Variants in DISC1 observed in about 807,000 individuals in gnomAD.
The protein encoded by DISC1 is DISC1 scaffold protein.
In DISC1, 57 loss-of-function variants were observed where a neutral mutation model predicts 84.5. That is an observed-to-expected ratio of 0.67 (90% CI 0.55 to 0.84). DISC1 has a LOEUF of 0.84. Ranked by LOEUF, DISC1 falls within the 40% of genes least tolerant of loss-of-function variation. The pLI is 0.00. For missense variants in DISC1, 1,000 were observed against 1,057.8 expected, an observed-to-expected ratio of 0.95 and a Z score of 0.76; for synonymous variants, 411 against 415.2, an observed-to-expected ratio of 0.99 and a Z score of 0.12.
intron 8 of DISC1, 30 bp downstream of exon 8, chr1:231,800,240 T>C: frequency 6.5e-7 from 1 of 1,536,518 alleles, no homozygotes; most frequent in Non-Finnish European, 9.0e-7. Context: ...ACGTTGAAGC[T>C]ATCCAACTAA....
rs2058494984 is a variant in DISC1 at position 231,629,043 on chromosome 1, CTGCA to C, written c.67+2111_67+2114del. 2.6e-5 allele frequency among the ~76,000 whole-genome samples: 4 copies of C among 152,308 alleles called. No individual in the cohort carries two copies. The South Asian group carries it at 8.3e-4, about 32-fold the overall frequency. On this transcript the variant is annotated intron_variant, in intron 1 of 12. Transcript: ENST00000439617. Reference sequence around the variant, plus strand: ...TGAGCCACCAGGCCCAACCTCCATCCTGCATATCTATAGACCCAAAATGTAAGAG... The same window carrying C: ...TGAGCCACCAGGCCCAACCTCCATCCTATCTATAGACCCAAAATGTAAGAG...
At chr1:231,964,406 A>T (rs1382774251) in intron 10 of DISC1, among the ~76,000 whole-genome samples, 1 of 152,142 alleles carries the variant, frequency 6.6e-6, no homozygotes, top group East Asian at 1.9e-4. Flanking sequence ...ACAGTCTCAA[A>T]TGACCGTGAT....
At chr1:231,868,247 G>T (rs866197486) in intron 9 of DISC1, among the ~76,000 whole-genome samples, 2 of 152,204 alleles carry the variant, frequency 1.3e-5, no homozygotes, top group Admixed American at 6.5e-5. Flanking sequence ...TTCCTATCTT[G>T]TCTCCAGTTT....
At chr1:231,903,564 G>C (rs2126032711) in intron 9 of DISC1, among the ~76,000 whole-genome samples, 1 of 152,362 alleles carries the variant, frequency 6.6e-6, no homozygotes, top group East Asian at 1.9e-4. Context: ...ATTCTAGGCT[G>C]TGTGGTCAGA....
Position 231,969,582 on chromosome 1 carries a change from GTTTC to G in DISC1, c.2042+10710_2042+10713del, listed in dbSNP as rs1162734183. Among the ~76,000 whole-genome samples, 22 of 125,474 alleles carry G rather than the reference GTTTC, an allele frequency of 1.8e-4. 2 individuals carry two copies. The highest frequency in any genetic ancestry group is 4.4e-4 in the East Asian group (2 of 4,520). The allele number at this position is 125,474 out of a possible 152,430, so 82.3% of individuals were successfully genotyped here. A position where few individuals can be genotyped will look rare whatever the true frequency, so the allele number is the denominator to read the frequency against. The stretch of plus-strand genomic sequence containing the variant: ...GGGGTGAAGATACTCCAATATACTT[GTTTC>G]TTTCTTTCTTTCTTTTTTTTTTTTT... On this transcript the variant is annotated intron_variant, in intron 10 of 12. Transcript: ENST00000439617.
intron 1 of DISC1, among the ~76,000 whole-genome samples, chr1:231,669,189 T>C (rs1408767433): frequency 6.6e-6 from 1 of 152,154 alleles, no homozygotes; most frequent in Non-Finnish European, 1.5e-5. Flanking sequence ...TAGGGATGCC[T>C]GGGAATTGTT....
At chr1:231,673,803 A>C (rs1188035084) in intron 1 of DISC1, among the ~76,000 whole-genome samples, 1 of 152,186 alleles carries the variant, frequency 6.6e-6, no homozygotes, top group Non-Finnish European at 1.5e-5. Context: ...GAAAGGTTGG[A>C]GTGTCTCATA....
intron 7 of DISC1, 30 bp from the exon 8 acceptor site, chr1:231,800,075 AATG>A (rs2079102717): frequency 6.5e-7 from 1 of 1,548,310 alleles, no homozygotes; most frequent in Non-Finnish European, 8.9e-7. Flanking sequence ...TAGCTGAATA[AATG>A]ATGATTCCTG....
chr1:231,681,391 T>C (rs2063675444), intron 1 of DISC1, among the ~76,000 whole-genome samples: 1 of 151,000 alleles, frequency 6.6e-6, no homozygotes, highest in Non-Finnish European at 1.5e-5. Context: ...TGTTGGGCTC[T>C]CACTCGTGTG....
chr1:231,873,647 T>C (rs1228352380), intron 9 of DISC1, among the ~76,000 whole-genome samples: 1 of 152,112 alleles, frequency 6.6e-6, no homozygotes, highest in Non-Finnish European at 1.5e-5. Context: ...AGATGACAAA[T>C]TTCCAGCTAT....
chr1:231,880,047 G>C (rs1461546066), intron 9 of DISC1, among the ~76,000 whole-genome samples: 1 of 152,142 alleles, frequency 6.6e-6, no homozygotes, highest in African/African-American at 2.4e-5. Flanking sequence ...TGAGAGCTGG[G>C]GCCTATAAGA....
chr1:231,928,040 C>A (rs2090447942), intron 9 of DISC1, among the ~76,000 whole-genome samples: 1 of 152,216 alleles, frequency 6.6e-6, no homozygotes, highest in Non-Finnish European at 1.5e-5. Context: ...AGTGAGCATG[C>A]ACTCTGATTT....
At chr1:231,974,653 C>G (rs1041703440) in intron 10 of DISC1, among the ~76,000 whole-genome samples, 1 of 152,130 alleles carries the variant, frequency 6.6e-6, no homozygotes. Context: ...ATTCTTATAC[C>G]CACACTTAAT....
chr1:231,950,209 T>G (rs1288805456), intron 9 of DISC1, among the ~76,000 whole-genome samples: 1 of 105,430 alleles, frequency 9.5e-6, no homozygotes, highest in Non-Finnish European at 1.9e-5. Flanking sequence ...AAATTCTGTG[T>G]GTGTGTGTGT....
intron 4 of DISC1, among the ~76,000 whole-genome samples, chr1:231,754,046 T>G (rs1222828096): frequency 7.9e-5 from 12 of 152,208 alleles, no homozygotes. Flanking sequence ...TACCAGCATT[T>G]TGGTCATAAC....
intron 11 of DISC1, among the ~76,000 whole-genome samples, chr1:232,015,693 G>A (rs1203964949): frequency 6.6e-6 from 1 of 152,194 alleles, no homozygotes; most frequent in Non-Finnish European, 1.5e-5. Context: ...GGAGCAGGCA[G>A]GAGATGAACA....
At chr1:231,948,848 T>C (rs539672035) in intron 9 of DISC1, among the ~76,000 whole-genome samples, 2 of 151,254 alleles carry the variant, frequency 1.3e-5, no homozygotes, top group East Asian at 4.0e-4. Context: ...TCATTTGTAT[T>C]TTTCCTGTGT....
At chr1:231,635,157 C>G (rs184979537) in intron 1 of DISC1, among the ~76,000 whole-genome samples, 12 of 152,156 alleles carry the variant, frequency 7.9e-5, no homozygotes, top group African/African-American at 2.9e-4. Context: ...CTGCACACTG[C>G]TGCCAGGACA....
chr1:231,929,210 C>CT (rs1299633461), intron 9 of DISC1, among the ~76,000 whole-genome samples: 2 of 152,156 alleles, frequency 1.3e-5, no homozygotes, highest in Non-Finnish European at 2.9e-5. Flanking sequence ...TTGTAGGTCT[C>CT]TAAGAACTTG....
Sources: gnomAD v4.1 joint callset for allele counts (sites outside exome capture counted in the v4.1 genomes callset) on GRCh38, gnomAD v4.1.1 for gene constraint, MANE v1.5 for transcripts, NCBI Gene and HGNC (gene_info 2026-07-23, HGNC 2026-07-21) for gene names.